Variants in FCER1A observed in about 807,000 individuals in gnomAD.
The protein encoded by FCER1A is Fc epsilon receptor Ia.
A neutral mutation model predicts 23.6 loss-of-function variants in FCER1A; 24 were observed. The observed-to-expected ratio is 1.02, with a 90% CI of 0.74 to 1.43. The LOEUF (loss-of-function observed/expected upper bound fraction) is 1.43, where lower values mean the gene tolerates loss of function less well. FCER1A is among the 40% of genes most tolerant of loss of function. The probability of loss-of-function intolerance (pLI) is 0.00; values close to 1 mark genes in which losing one functional copy is unlikely to be tolerated. For missense variants in FCER1A, 318 were observed against 294.5 expected, an observed-to-expected ratio of 1.08 and a Z score of -0.58; for synonymous variants, 121 against 108.8, an observed-to-expected ratio of 1.11 and a Z score of -0.70.
chr1:159,286,425 C>CGG, upstream of FCER1A, among the ~76,000 whole-genome samples: 1 of 151,754 alleles, frequency 6.6e-6, no homozygotes, highest in South Asian at 2.1e-4. Context: ...CTCCGCCTCC[C>CGG]GGGTTCATGC....
chr1:159,288,821 G>T (rs896318545), upstream of FCER1A, among the ~76,000 whole-genome samples: 1 of 152,212 alleles, frequency 6.6e-6, no homozygotes, highest in African/African-American at 2.4e-5. Flanking sequence ...TTCAACTAAA[G>T]CAGCAGCAGA....
At chr1:159,285,284 A>G (rs1651987502), upstream of FCER1A, among the ~76,000 whole-genome samples, 1 of 152,200 alleles carries the variant, frequency 6.6e-6, no homozygotes, top group Non-Finnish European at 1.5e-5. Flanking sequence ...TCAACATCCC[A>G]TTGCCCCCAT....
In FCER1A at chr1:159,306,048, G is replaced by A. The variant is rs1384776181; in HGVS notation, c.392G>A (p.Arg131Lys). ...VVMEGQPLFL[R>K]CHGWRNWDVY... ...ATGGAGGGCCAGCCCCTCTTCCTCA[G>A]GTGCCATGGTTGGAGGAACTGGGAT... The change falls in exon 4 of 5, where the codon AGG (arginine) becomes AAG (lysine). Residue 131 changes from arginine (R) to lysine (K), a missense_variant. Transcript: ENST00000693622. 19 of 1,613,870 alleles carry A rather than the reference G, an allele frequency of 1.2e-5. No homozygotes were observed. The highest frequency in any genetic ancestry group is 1.4e-5 in the Non-Finnish European group (17 of 1,179,904).
At chr1:159,303,657 T>A (rs1334867759) in intron 2 of FCER1A, among the ~76,000 whole-genome samples, 2 of 152,100 alleles carry the variant, frequency 1.3e-5, no homozygotes, top group African/African-American at 4.8e-5. Flanking sequence ...GTAGAGTGAG[T>A]CAGCTCAAAT....
chr1:159,298,875 A>G (rs1652359659), upstream of FCER1A, among the ~76,000 whole-genome samples: 1 of 152,204 alleles, frequency 6.6e-6, no homozygotes, highest in Non-Finnish European at 1.5e-5. Context: ...GAACCCTTGA[A>G]TCCAAGGAAT....
intron 2 of FCER1A, 55 bp downstream of exon 2, chr1:159,302,929 C>T (rs1652480624): frequency 2.0e-6 from 3 of 1,524,890 alleles, no homozygotes; most frequent in South Asian, 1.1e-5. Context: ...GCATTGCTTT[C>T]CTCTCACTAT....
At position 159,307,791 on chromosome 1, in the gene FCER1A, G is replaced by A; in HGVS notation, c.633G>A (p.Leu211=). 1 of 1,612,174 alleles carries A rather than the reference G, an allele frequency of 6.2e-7. No homozygotes were observed. The highest frequency in any genetic ancestry group is 8.5e-7 in the Non-Finnish European group (1 of 1,178,570). Residue 211 remains leucine (L), a synonymous_variant, in exon 5 of 5, where the codon TTG becomes TTA. Coordinates refer to ENST00000693622, the MANE Select transcript of FCER1A (RefSeq NM_001387280.1). ...GGCTACAATTTTTTATCCCATTGTT[G>A]GTGGTGATTCTGTTTGCTGTGGACA... ...KYWLQFFIPL[L]VVILFAVDTG...
At chr1:159,297,279 T>C (rs1471158541) in intron 1 of FCER1A, among the ~76,000 whole-genome samples, 2 of 152,142 alleles carry the variant, frequency 1.3e-5, no homozygotes, top group African/African-American at 4.8e-5. Context: ...TGATGATGTC[T>C]GTCTCATTGA....
chr1:159,296,952 C>T (rs1652307768), intron 1 of FCER1A, among the ~76,000 whole-genome samples: 1 of 152,094 alleles, frequency 6.6e-6, no homozygotes, highest in Non-Finnish European at 1.5e-5. Flanking sequence ...AACTGTTTAG[C>T]CAGAGTCCTG....
chr1:159,289,488 T>C (rs892367301), upstream of FCER1A, among the ~76,000 whole-genome samples: 3 of 152,192 alleles, frequency 2.0e-5, no homozygotes, highest in Non-Finnish European at 4.4e-5. Flanking sequence ...ACTTGTGAGG[T>C]GTAAACATGA....
At chr1:159,299,982 G>T (rs1652390862), upstream of FCER1A, among the ~76,000 whole-genome samples, 1 of 151,588 alleles carries the variant, frequency 6.6e-6, no homozygotes. Flanking sequence ...TTTTGGGGTG[G>T]GGGTGGGCTG....
intron 3 of FCER1A, among the ~76,000 whole-genome samples, chr1:159,304,932 C>T (rs752419691): frequency 5.4e-4 from 82 of 152,128 alleles, no homozygotes; most frequent in Admixed American, 1.2e-3. Context: ...GGTACATTTC[C>T]TTATGTCCTC....
At chr1:159,299,598 T>A (rs994322687), upstream of FCER1A, among the ~76,000 whole-genome samples, 15 of 152,206 alleles carry the variant, frequency 9.9e-5, no homozygotes, top group Non-Finnish European at 8.8e-5. Flanking sequence ...GGCATAGTGA[T>A]ACTCTTTGTG....
At chr1:159,289,976 C>A (rs949812007) in intron 1 of FCER1A, among the ~76,000 whole-genome samples, 1 of 152,238 alleles carries the variant, frequency 6.6e-6, no homozygotes, top group Admixed American at 6.5e-5. Context: ...GGTAGTGTAA[C>A]CTTTTTGCTA....
upstream of FCER1A, among the ~76,000 whole-genome samples, chr1:159,289,324 C>A (rs1296507711): frequency 3.3e-5 from 5 of 152,150 alleles, no homozygotes; most frequent in African/African-American, 9.7e-5. Context: ...CACCTTAGGA[C>A]CAAATTGTTC....
intron 1 of FCER1A, among the ~76,000 whole-genome samples, chr1:159,292,990 C>T (rs1051880538): frequency 6.6e-6 from 1 of 151,772 alleles, no homozygotes; most frequent in Non-Finnish European, 1.5e-5. Context: ...GAAAGAATGT[C>T]CTCACCAGAT....
chr1:159,307,681 C>T lies in FCER1A; in HGVS notation c.590-67C>T. ...GGTCTTTCTCTTAGGGAGGATGAAACTCTGAACCTCATTTTTCAGTTCCCA... is the reference window on the plus strand; with the variant it reads ...GGTCTTTCTCTTAGGGAGGATGAAATTCTGAACCTCATTTTTCAGTTCCCA... On this transcript the variant is annotated intron_variant, in intron 4 of 4. Coordinates refer to ENST00000693622, the MANE Select transcript of FCER1A (RefSeq NM_001387280.1). 4 of 1,247,730 alleles carry T rather than the reference C, an allele frequency of 3.2e-6. 1 individual carries two copies. The South Asian group carries it at 4.3e-5, about 13-fold the overall frequency. The allele number at this position is 1,247,730 out of a possible 1,614,324, so 77.3% of individuals were successfully genotyped here. A position where few individuals can be genotyped will look rare whatever the true frequency, so the allele number is the denominator to read the frequency against.
chr1:159,307,743 T>A lies in FCER1A; in HGVS notation c.590-5T>A, dbSNP rs1652656830. 7 of 1,594,608 alleles carry A rather than the reference T, an allele frequency of 4.4e-6. No homozygotes were observed. The highest frequency in any genetic ancestry group is 6.0e-6 in the Non-Finnish European group (7 of 1,164,938). The stretch of plus-strand genomic sequence containing the variant: ...GTTTCTCATTGCATCTGTGTTCCAC[T>A]ACAGCTCCGCGTGAGAAGTACTGGC... On this transcript the variant is annotated splice_polypyrimidine_tract_variant and splice_region_variant and intron_variant, in intron 4 of 4. Coordinates refer to ENST00000693622, the MANE Select transcript of FCER1A (RefSeq NM_001387280.1).
In FCER1A at chr1:159,306,144, T is replaced by C. The variant is rs1652606270; in HGVS notation, c.488T>C (p.Ile163Thr). The change falls in exon 4 of 5, where the codon ATT (isoleucine) becomes ACT (threonine). Residue 163 changes from isoleucine (I) to threonine (T), a missense_variant. By Grantham distance (89) the Ile-to-Thr change is moderately conservative. Coordinates refer to ENST00000693622, the MANE Select transcript of FCER1A (RefSeq NM_001387280.1). ...TGGTATGAGAACCACAACATCTCCA[T>C]TACAAATGCCACAGTTGAAGACAGT... ...KYWYENHNIS[I>T]TNATVEDSGT... 2 of 1,614,126 alleles carry C rather than the reference T, an allele frequency of 1.2e-6. No homozygotes were observed. Among genetic ancestry groups the C allele is most frequent in the Non-Finnish European group, 1.7e-6 (2 of 1,180,004 alleles).
Sources: gnomAD v4.1 joint callset for allele counts (sites outside exome capture counted in the v4.1 genomes callset) on GRCh38, gnomAD v4.1.1 for gene constraint, MANE v1.5 for transcripts, NCBI Gene and HGNC (gene_info 2026-07-23, HGNC 2026-07-21) for gene names.